LYPD8: variants seen among roughly 807,000 people sequenced by gnomAD.
LYPD8 encodes the protein LY6/PLAUR domain containing 8.
A neutral mutation model predicts 1.7 loss-of-function variants in LYPD8; 8 were observed. That is an observed-to-expected ratio of 4.58 (90% CI 2.69 to 8.27). The LOEUF (loss-of-function observed/expected upper bound fraction) is 8.27. LYPD8 is among the 30% of genes most tolerant of loss of function. The pLI is 0.00. For synonymous variants in LYPD8, 50 were observed against 43.6 expected (o/e 1.15, Z -0.58); for missense variants, 112 against 102.3 (o/e 1.09, Z -0.41).
chr1:248,755,217 G>C (rs1662902454), intron 2 of LYPD8, 22 bp downstream of exon 2: 1 of 152,284 alleles, frequency 6.6e-6, no homozygotes, highest in African/African-American at 2.4e-5. Context: ...AGTGAAGCTG[G>C]GGCTCAAGGC....
At chr1:248,751,575 G>C (rs1437307835) in intron 2 of LYPD8, among the ~76,000 whole-genome samples, 1 of 152,106 alleles carries the variant, frequency 6.6e-6, no homozygotes, top group Non-Finnish European at 1.5e-5. Flanking sequence ...CACCGCAATA[G>C]GCAGACAGCT....
chr1:248,753,668 C>G (rs1363934195), intron 2 of LYPD8, among the ~76,000 whole-genome samples: 1 of 138,694 alleles, frequency 7.2e-6, no homozygotes, highest in Admixed American at 7.1e-5. Context: ...ACACACCCCA[C>G]GCAACACACA....
chr1:248,753,114 A>AT (rs1662849913), intron 2 of LYPD8, among the ~76,000 whole-genome samples: 1 of 75,508 alleles, frequency 1.3e-5, no homozygotes, highest in African/African-American at 4.4e-5. Flanking sequence ...CACCACACAC[A>AT]ACACACACAA....
chr1:248,741,070 C>T (rs1330338352), intron 6 of LYPD8, among the ~76,000 whole-genome samples: 2 of 152,218 alleles, frequency 1.3e-5, no homozygotes, highest in Admixed American at 6.5e-5. Context: ...TCAGTGATCG[C>T]ACCCCTGCAT....
chr1:248,745,571 A>G (rs1453613529), intron 5 of LYPD8, among the ~76,000 whole-genome samples: 5 of 152,202 alleles, frequency 3.3e-5, no homozygotes, highest in African/African-American at 1.2e-4. Flanking sequence ...TATAGTCAAC[A>G]TGAACATTAG....
rs1438037191 is a variant in LYPD8 at position 248,746,589 on chromosome 1, G to A, written c.338-1310C>T. Among the ~76,000 whole-genome samples the A allele has an allele frequency of 6.9e-4, 103 of 148,528 alleles. 2 individuals carry two copies. Among genetic ancestry groups the A allele is most frequent in the African/African-American group, 2.3e-3 (91 of 39,842 alleles). ...GCAGCACCCACCCAGGGCATCGCCC[G>A]CACGGCCAGCACCCACCCAGGGCAT... On this transcript the variant is annotated intron_variant, in intron 5 of 6. Transcript: ENST00000590317.
chr1:248,752,652 AC>A (rs1662822140), intron 2 of LYPD8, among the ~76,000 whole-genome samples: 1 of 21,734 alleles, frequency 4.6e-5, no homozygotes, highest in Non-Finnish European at 1.2e-4. Flanking sequence ...ACAACACACA[AC>A]ACACACCACA....
intron 6 of LYPD8, among the ~76,000 whole-genome samples, chr1:248,744,530 A>G (rs1003777327): frequency 4.0e-5 from 6 of 151,638 alleles, no homozygotes; most frequent in East Asian, 1.9e-4. Flanking sequence ...TCAAATGTGG[A>G]TCTCACAATG....
At chr1:248,742,671 C>CG (rs1458538168) in intron 6 of LYPD8, among the ~76,000 whole-genome samples, 4 of 43,986 alleles carry the variant, frequency 9.1e-5, no homozygotes, top group Admixed American at 2.9e-4. Context: ...TGTTGGCAGC[C>CG]GGGGAGATTA....
intron 6 of LYPD8, among the ~76,000 whole-genome samples, chr1:248,741,238 G>C (rs1286948437): frequency 6.6e-6 from 1 of 152,186 alleles, no homozygotes; most frequent in Non-Finnish European, 1.5e-5. Flanking sequence ...ATGGAGTCTC[G>C]CTCTGTCATC....
intron 6 of LYPD8, among the ~76,000 whole-genome samples, chr1:248,742,211 G>T (rs1312460371): frequency 2.0e-4 from 27 of 137,042 alleles, no homozygotes; most frequent in African/African-American, 7.6e-4. Context: ...GATGTTGGCA[G>T]CGGGGGAGAT....
At chr1:248,748,936 T>C (rs1662754646) in intron 4 of LYPD8, among the ~76,000 whole-genome samples, 1 of 152,224 alleles carries the variant, frequency 6.6e-6, no homozygotes, top group African/African-American at 2.4e-5. Context: ...AAAATCAAAT[T>C]TAAAATTAAG....
chr1:248,754,606 C>A (rs1662893735), intron 2 of LYPD8, among the ~76,000 whole-genome samples: 2 of 151,826 alleles, frequency 1.3e-5, no homozygotes, highest in African/African-American at 2.4e-5. Flanking sequence ...GCACACAAAC[C>A]ATATACACAA....
chr1:248,742,001 T>G (rs540938287), intron 6 of LYPD8, among the ~76,000 whole-genome samples: 1 of 152,308 alleles, frequency 6.6e-6, no homozygotes, highest in Non-Finnish European at 1.5e-5. Flanking sequence ...GCAGTGGAAA[T>G]ACTCTATATG....
chr1:248,739,415 T>C lies in LYPD8; in HGVS notation c.*196A>G, dbSNP rs73148520. On this transcript the variant is annotated 3_prime_UTR_variant, in exon 7 of 7. Coordinates refer to ENST00000590317, the MANE Select transcript of LYPD8 (RefSeq NM_001085474.2). This position sits in a 1 kb window ranked among gnomAD's most constrained non-coding sequence, Gnocchi z 4.3. The stretch of plus-strand genomic sequence containing the variant: ...CCAGCCCAGAATGCATCAGGACAGA[T>C]TTGGGCAGTGAATGAACCAGTGCTT... The C allele has an allele frequency of 0.024, 17,249 of 724,286 alleles. 2,145 individuals carry two copies. In the African/African-American group the frequency reaches 0.27, roughly 11 times the overall value. The allele number at this position is 724,286 out of a possible 1,614,324, so 44.9% of individuals were successfully genotyped here.
intron 6 of LYPD8, among the ~76,000 whole-genome samples, chr1:248,740,451 C>T (rs1295839390): frequency 1.3e-5 from 2 of 152,224 alleles, no homozygotes; most frequent in African/African-American, 2.4e-5. Context: ...TAGAAAAAGG[C>T]CTGGGGCATT....
chr1:248,739,654 A>C lies in LYPD8; in HGVS notation c.671T>G (p.Leu224Arg), dbSNP rs1558204699. ...AAGAAGGAGGCTGGCAAGGGCCAAG[A>C]GGTAGAGGGAAGCTTTGGAGCCCAC... ...HNVGSKASLY[L>R]LALASLLLRG... The change falls in exon 7 of 7, where the codon CTC becomes CGC. Residue 224 changes from leucine (L) to arginine (R), a missense_variant. Physicochemically the swap from Leu to Arg is moderately radical, Grantham distance 102 (BLOSUM62 -2). Coordinates refer to ENST00000590317, the MANE Select transcript of LYPD8 (RefSeq NM_001085474.2). The surrounding 1 kb of genome is among the most constrained non-coding windows in gnomAD (Gnocchi z 4.3). The C allele has an allele frequency of 6.4e-7, 1 of 1,551,658 alleles. No individual in the cohort carries two copies. Among genetic ancestry groups the C allele is most frequent in the Admixed American group, 2.0e-5 (1 of 51,004 alleles).
At chr1:248,749,799 GATAA>G (rs1426298715) in intron 4 of LYPD8, among the ~76,000 whole-genome samples, 3 of 152,016 alleles carry the variant, frequency 2.0e-5, no homozygotes, top group African/African-American at 7.3e-5. Context: ...TATGATCAGA[GATAA>G]ATAGTGAAGT....
rs1425320401 is a variant in LYPD8, at chr1:248,755,727, T to C, written c.-220A>G. 1 of 152,304 alleles carries C rather than the reference T, an allele frequency of 6.6e-6. No homozygotes were observed. Among genetic ancestry groups the C allele is most frequent in the African/African-American group, 2.4e-5 (1 of 41,472 alleles). 9.4% of individuals were successfully genotyped at this position (152,304 alleles called of 1,614,324 possible). A position where few individuals can be genotyped will look rare whatever the true frequency, so the allele number is the denominator to read the frequency against. On this transcript the variant is annotated 5_prime_UTR_variant, in exon 1 of 7. Coordinates refer to ENST00000590317, the MANE Select transcript of LYPD8 (RefSeq NM_001085474.2). ...CACCTTCTGGATCTGGCCTGGTGAC[T>C]GTCCTACAGAAGGTGGTTCCCAGTA...
Sources: allele counts gnomAD v4.1 joint callset (sites outside exome capture counted in the v4.1 genomes callset), GRCh38; gene constraint gnomAD v4.1.1; non-coding constraint Gnocchi (gnomAD v3.1); transcripts MANE v1.5; gene names NCBI Gene and HGNC (gene_info 2026-07-23, HGNC 2026-07-21).